MCTP1: variants seen among roughly 807,000 people sequenced by gnomAD.
MCTP1 encodes multiple C2 and transmembrane domain containing 1.
In MCTP1, 69 loss-of-function variants were observed where a neutral mutation model predicts 120.6. That is an observed-to-expected ratio of 0.57 (90% CI 0.47 to 0.70). The LOEUF is 0.70. MCTP1 is among the 30% of genes least tolerant of loss of function. The pLI, the probability that MCTP1 is intolerant of heterozygous loss-of-function variation, is 0.00. For synonymous variants in MCTP1, 529 were observed against 493.1 expected, an observed-to-expected ratio of 1.07 and a Z score of -0.96; for missense variants, 1,203 against 1,248.8, an observed-to-expected ratio of 0.96 and a Z score of 0.55.
chr5:95,038,044 C>T, intron 1 of MCTP1: 1 of 718,104 alleles, frequency 1.4e-6, no homozygotes, highest in East Asian at 1.3e-4. Context: ...TTCTCATTTA[C>T]ATATGAGTTT....
chr5:94,746,695 CCATGT>C (rs1172770271), intron 19 of MCTP1, among the ~76,000 whole-genome samples: 2 of 152,158 alleles, frequency 1.3e-5, no homozygotes, highest in African/African-American at 2.4e-5. Flanking sequence ...CTCATGCATT[CCATGT>C]CATAAAGATA....
At chr5:94,935,006 T>C (rs1815826536) in intron 5 of MCTP1, among the ~76,000 whole-genome samples, 1 of 151,914 alleles carries the variant, frequency 6.6e-6, no homozygotes, top group Non-Finnish European at 1.5e-5. Flanking sequence ...CACTACACAC[T>C]TTTACAGGTT....
chr5:94,939,737 G>C (rs1817103163), intron 5 of MCTP1, among the ~76,000 whole-genome samples: 1 of 151,954 alleles, frequency 6.6e-6, no homozygotes, highest in Admixed American at 6.6e-5. Context: ...GCAGGGTCTG[G>C]ATACCGTAAT....
At chr5:94,738,939 C>CAG (rs1764890921) in intron 19 of MCTP1, among the ~76,000 whole-genome samples, 1 of 152,192 alleles carries the variant, frequency 6.6e-6, no homozygotes, top group Non-Finnish European at 1.5e-5. Context: ...TTCTGATCAC[C>CAG]TTGTCATCTT....
At chr5:94,878,408 T>C (rs1388256301) in intron 12 of MCTP1, among the ~76,000 whole-genome samples, 1 of 152,070 alleles carries the variant, frequency 6.6e-6, no homozygotes, top group African/African-American at 2.4e-5. Context: ...TGAATAATAA[T>C]AATAAGACTT....
intron 12 of MCTP1, among the ~76,000 whole-genome samples, chr5:94,886,107 G>A (rs777900349): frequency 2.0e-5 from 3 of 152,190 alleles, no homozygotes; most frequent in Non-Finnish European, 4.4e-5. Context: ...GTGACCTACT[G>A]TAGTAGTGTT....
At chr5:94,810,531 C>G (rs574581104) in intron 17 of MCTP1, among the ~76,000 whole-genome samples, 1 of 152,274 alleles carries the variant, frequency 6.6e-6, no homozygotes. Context: ...ATCTAACAAG[C>G]CAAACACATG....
intron 1 of MCTP1, among the ~76,000 whole-genome samples, chr5:95,161,359 C>T (rs1745720622): frequency 6.6e-6 from 1 of 151,990 alleles, no homozygotes; most frequent in South Asian, 2.1e-4. Flanking sequence ...ACAGATACTG[C>T]ATATCTCACT....
At chr5:95,247,358 A>C (rs1756912696) in intron 1 of MCTP1, among the ~76,000 whole-genome samples, 1 of 151,730 alleles carries the variant, frequency 6.6e-6, no homozygotes, top group South Asian at 2.1e-4. Context: ...GGATTCATTG[A>C]TTTTTCGAAG....
intron 19 of MCTP1, among the ~76,000 whole-genome samples, chr5:94,724,010 C>T (rs1761542558): frequency 6.6e-6 from 1 of 152,024 alleles, no homozygotes; most frequent in African/African-American, 2.4e-5. Context: ...GAGAAGTTGA[C>T]TGACTATGAG....
At chr5:95,150,486 T>C (rs1053162201) in intron 1 of MCTP1, among the ~76,000 whole-genome samples, 2 of 152,246 alleles carry the variant, frequency 1.3e-5, no homozygotes, top group African/African-American at 2.4e-5. Context: ...GTAAAATCTT[T>C]GGCTTTAGCT....
At chr5:95,101,037 T>TA (rs1756682441) in intron 1 of MCTP1, among the ~76,000 whole-genome samples, 1 of 152,124 alleles carries the variant, frequency 6.6e-6, no homozygotes, top group Admixed American at 6.5e-5. Flanking sequence ...TGTCATGACT[T>TA]ACGCTGTAAG....
intron 19 of MCTP1, among the ~76,000 whole-genome samples, chr5:94,747,858 A>G (rs1245180326): frequency 6.6e-6 from 1 of 152,178 alleles, no homozygotes; most frequent in African/African-American, 2.4e-5. Context: ...TGGGAGGCCA[A>G]GACAGGTGGA....
intron 1 of MCTP1, among the ~76,000 whole-genome samples, chr5:95,180,767 C>T (rs749370757): frequency 2.6e-5 from 4 of 152,172 alleles, no homozygotes; most frequent in Non-Finnish European, 5.9e-5. Context: ...TAATATTCCT[C>T]TCAACTTATC....
intron 1 of MCTP1, among the ~76,000 whole-genome samples, chr5:95,233,748 G>A (rs1755227318): frequency 6.6e-6 from 1 of 152,148 alleles, no homozygotes; most frequent in Non-Finnish European, 1.5e-5. Flanking sequence ...CTCAAGTAGT[G>A]TTTAGAGGGA....
chr5:94,971,233 C>CA lies in MCTP1; in HGVS notation c.839-17873dup, dbSNP rs1443402167. ...CTTTGACAGAGAATAAGCCATTCCA[C>CA]ATAAATGAATTTTCTAGGAAACTAA... On this transcript the variant is annotated intron_variant, in intron 2 of 22. Transcript: ENST00000515393. Among the ~76,000 whole-genome samples, 10 of 152,068 alleles carry CA rather than the reference C, an allele frequency of 6.6e-5. 1 individual carries two copies. The East Asian group carries it at 1.9e-3, about 29-fold the overall frequency.
intron 1 of MCTP1, among the ~76,000 whole-genome samples, chr5:95,080,294 C>T (rs1754603228): frequency 1.3e-5 from 2 of 152,118 alleles, no homozygotes; most frequent in South Asian, 4.1e-4. Flanking sequence ...ATAATCATTC[C>T]ACAAATCCAT....
At chr5:95,135,364 G>A (rs1039024955) in intron 1 of MCTP1, among the ~76,000 whole-genome samples, 1 of 152,140 alleles carries the variant, frequency 6.6e-6, no homozygotes, top group African/African-American at 2.4e-5. Flanking sequence ...AATCCAAAAA[G>A]TCCTATAAAA....
At chr5:95,071,986 A>G (rs1423173363) in intron 1 of MCTP1, among the ~76,000 whole-genome samples, 1 of 152,160 alleles carries the variant, frequency 6.6e-6, no homozygotes, top group African/African-American at 2.4e-5. Context: ...TGAGAAAAAT[A>G]AATTTTCCTT....
Sources: gnomAD v4.1 joint callset for allele counts (sites outside exome capture counted in the v4.1 genomes callset) on GRCh38, gnomAD v4.1.1 for gene constraint, MANE v1.5 for transcripts, NCBI Gene and HGNC (gene_info 2026-07-23, HGNC 2026-07-21) for gene names.